The following NPSR1 variants were observed in gnomAD, a reference collection of about 807,000 sequenced individuals.
NPSR1 encodes neuropeptide S receptor.
In NPSR1, 48 loss-of-function variants were observed where a neutral mutation model predicts 46.9. The observed-to-expected ratio is 1.02, with a 90% confidence interval of 0.81 to 1.30. The LOEUF (loss-of-function observed/expected upper bound fraction) is 1.30. Ranked by LOEUF, NPSR1 falls within the 50% of genes most tolerant of loss-of-function variation. NPSR1 has a pLI of 0.00. For synonymous variants in NPSR1, 176 were observed against 168.1 expected, an observed-to-expected ratio of 1.05 and a Z score of -0.36; for missense variants, 450 against 449.5, an observed-to-expected ratio of 1.00 and a Z score of -0.01.
chr7:34,871,727 C>T (rs1264112833), intron 8 of NPSR1: 2 of 151,972 alleles, frequency 1.3e-5, no homozygotes, highest in Non-Finnish European at 2.9e-5. Flanking sequence ...GAAGGACAGT[C>T]ATCACGTTTT....
chr7:34,825,260 T>C (rs1037389218), intron 4 of NPSR1, among the ~76,000 whole-genome samples: 7 of 152,222 alleles, frequency 4.6e-5, no homozygotes, highest in African/African-American at 1.4e-4. Flanking sequence ...CCTCCCCATA[T>C]GTCTGTGCCC....
chr7:34,725,465 C>T (rs1174478120), intron 2 of NPSR1, among the ~76,000 whole-genome samples: 1 of 152,180 alleles, frequency 6.6e-6, no homozygotes, highest in African/African-American at 2.4e-5. Context: ...GACAGAGACA[C>T]TAGGTAATCT....
Position 34,658,266 on chromosome 7 carries a change from C to A in NPSR1, c.-147C>A. On this transcript the variant is annotated 5_prime_UTR_variant, in exon 1 of 9. Coordinates refer to ENST00000360581, the MANE Select transcript of NPSR1 (RefSeq NM_207172.2). ...CACGTAGATCCTCCCTGTCATCAGG[C>A]AGAGCTCTTCAGTGAGGTGGGCTCA... The A allele has an allele frequency of 1.3e-6, 1 of 772,168 alleles. No homozygotes were observed. The highest frequency in any genetic ancestry group is 1.8e-5 in the South Asian group (1 of 55,690). 47.8% of individuals were successfully genotyped at this position (772,168 alleles called of 1,614,324 possible). A position where few individuals can be genotyped will look rare whatever the true frequency, so the allele number is the denominator to read the frequency against.
intron 2 of NPSR1, among the ~76,000 whole-genome samples, chr7:34,766,496 A>G (rs73111567): frequency 0.14 from 21,964 of 152,276 alleles, 2,088 homozygotes; most frequent in East Asian, 0.34. Context: ...ATACATTTAT[A>G]CAATTTAAAA....
At chr7:34,695,081 A>C (rs568654978) in intron 2 of NPSR1, among the ~76,000 whole-genome samples, 37 of 152,348 alleles carry the variant, frequency 2.4e-4, no homozygotes, top group African/African-American at 7.5e-4. Context: ...ACAAGGCTGT[A>C]GTAACTAAAA....
At chr7:34,717,359 C>T (rs564079243) in intron 2 of NPSR1, among the ~76,000 whole-genome samples, 6 of 152,258 alleles carry the variant, frequency 3.9e-5, no homozygotes, top group African/African-American at 1.4e-4. Flanking sequence ...CTCAAACTCC[C>T]GATCTCAGGT....
At chr7:34,840,851 C>T (rs2128762409) in intron 6 of NPSR1, among the ~76,000 whole-genome samples, 1 of 152,284 alleles carries the variant, frequency 6.6e-6, no homozygotes, top group East Asian at 1.9e-4. Flanking sequence ...TCCTGGAACA[C>T]TGAGACACCT....
At chr7:34,682,445 C>T (rs576623997) in intron 1 of NPSR1, among the ~76,000 whole-genome samples, 2 of 152,312 alleles carry the variant, frequency 1.3e-5, no homozygotes, top group African/African-American at 4.8e-5. Context: ...ATCCCCAACC[C>T]TGTCCCTCAA....
chr7:34,837,614 T>A (rs1320979101), intron 6 of NPSR1, among the ~76,000 whole-genome samples: 1 of 152,230 alleles, frequency 6.6e-6, no homozygotes, highest in Admixed American at 6.5e-5. Flanking sequence ...CCACAACTCT[T>A]TGAGGTGGTG....
chr7:34,790,770 ATATATGT>A (rs1470308853), intron 3 of NPSR1, among the ~76,000 whole-genome samples: 4 of 113,640 alleles, frequency 3.5e-5, no homozygotes, highest in Non-Finnish European at 7.3e-5. Flanking sequence ...GTTATATATA[ATATATGT>A]TATATGTTAT....
chr7:34,796,195 CTAA>C, intron 3 of NPSR1, among the ~76,000 whole-genome samples: 1 of 151,894 alleles, frequency 6.6e-6, no homozygotes, highest in Non-Finnish European at 1.5e-5. Flanking sequence ...ATCCACACGC[CTAA>C]TAATAAATCT....
chr7:34,827,628 C>A (rs752755447), intron 5 of NPSR1, 26 bp downstream of exon 5: 2 of 451,784 alleles, frequency 4.4e-6, no homozygotes, highest in South Asian at 1.8e-5. Flanking sequence ...GACAGGACCA[C>A]ACGGGGGGGT....
intron 4 of NPSR1, among the ~76,000 whole-genome samples, chr7:34,823,416 ACAACAC>A (rs1789665821): frequency 8.1e-6 from 1 of 123,356 alleles, no homozygotes; most frequent in African/African-American, 4.1e-5. Context: ...AAAAAAAAAA[ACAACAC>A]CATAAATGAA....
In NPSR1 at chr7:34,759,624, G is replaced by A. The variant is rs1483102810; in HGVS notation, c.281-18838G>A. 7.1e-3 allele frequency among the ~76,000 whole-genome samples: 1,083 copies of A among 152,188 alleles called. 11 individuals are homozygous for A. The highest frequency in any genetic ancestry group is 0.025 in the African/African-American group (1,022 of 41,510). ...TCTCCAATGAGCCAAGTAAAACCAT[G>A]GCATATTTAAGAGAAAGGGCCACAG... On this transcript the variant is annotated intron_variant, in intron 2 of 8. Transcript: ENST00000360581.
chr7:34,762,839 CTTAT>C (rs1254810466), intron 2 of NPSR1, among the ~76,000 whole-genome samples: 2 of 152,136 alleles, frequency 1.3e-5, no homozygotes, highest in Non-Finnish European at 2.9e-5. Flanking sequence ...CAATATCTCC[CTTAT>C]TTAGTGTGAC....
chr7:34,791,115 A>AATATAATATATATGTTATATATTAT, intron 3 of NPSR1, among the ~76,000 whole-genome samples: 1 of 62,248 alleles, frequency 1.6e-5, no homozygotes, highest in Admixed American at 1.7e-4. Context: ...TATGTTATAT[A>AATATAATATATATGTTATATATTAT]ATATAATATA....
intron 6 of NPSR1, among the ~76,000 whole-genome samples, chr7:34,836,756 G>A (rs1790390424): frequency 6.9e-6 from 1 of 143,978 alleles, no homozygotes; most frequent in African/African-American, 2.5e-5. Context: ...AAGAGAGGCG[G>A]GGGGGAAGAA....
intron 6 of NPSR1, among the ~76,000 whole-genome samples, chr7:34,835,865 G>T (rs1009396581): frequency 2.0e-5 from 3 of 152,162 alleles, no homozygotes; most frequent in Non-Finnish European, 4.4e-5. Context: ...ACAATGCACC[G>T]AAACCCAGAC....
intron 2 of NPSR1, chr7:34,719,134 T>C (rs1055123629): frequency 2.0e-5 from 3 of 152,476 alleles, no homozygotes; most frequent in Admixed American, 2.0e-4. Flanking sequence ...CTGGAGCTAA[T>C]GGCATGTGGT....
Sources: allele counts gnomAD v4.1 joint callset (sites outside exome capture counted in the v4.1 genomes callset), GRCh38; gene constraint gnomAD v4.1.1; transcripts MANE v1.5; gene names NCBI Gene and HGNC (gene_info 2026-07-23, HGNC 2026-07-21).